The following ARMC9 variants were observed in gnomAD, a reference collection of about 807,000 sequenced individuals.
ARMC9 encodes the protein lisH domain-containing protein ARMC9.
ARMC9 carries 94 observed loss-of-function variants against 107.0 expected under a neutral mutation model. That is an observed-to-expected ratio of 0.88 (90% CI 0.74 to 1.04). ARMC9 has a LOEUF of 1.04. Ranked by LOEUF, ARMC9 falls within the 50% of genes least tolerant of loss-of-function variation. The probability of loss-of-function intolerance (pLI) is 0.00; values close to 1 mark genes in which losing one functional copy is unlikely to be tolerated. For missense variants in ARMC9, 942 were observed against 1,030.1 expected (o/e 0.91, Z 1.17); for synonymous variants, 380 against 396.9 (o/e 0.96, Z 0.51).
chr2:231,291,263 A>AT, intron 17 of ARMC9, 90 bp from the exon 18 acceptor site: 1 of 1,032,974 alleles, frequency 9.7e-7, no homozygotes, highest in African/African-American at 1.6e-5. Flanking sequence ...CCAAAACATT[A>AT]TTTTTTGGAT....
At chr2:231,331,976 A>G (rs950298696) in intron 20 of ARMC9, 79 bp downstream of exon 20, 2 of 1,218,802 alleles carry the variant, frequency 1.6e-6, no homozygotes, top group East Asian at 2.5e-5. Flanking sequence ...TTTCAGTGAC[A>G]CAGAGGGTTT....
intron 17 of ARMC9, chr2:231,288,741 G>A (rs961308509): frequency 1.5e-5 from 7 of 471,016 alleles, no homozygotes; most frequent in Admixed American, 2.3e-5. Flanking sequence ...TCTGCCCAGG[G>A]CCACACGGCC....
chr2:231,229,915 TAAA>T (rs960196903), intron 7 of ARMC9, among the ~76,000 whole-genome samples: 5 of 152,134 alleles, frequency 3.3e-5, no homozygotes, highest in African/African-American at 1.2e-4. Flanking sequence ...GTAGAAAAGT[TAAA>T]AAAGAAAGCT....
chr2:231,259,403 G>A (rs928750856), intron 11 of ARMC9, among the ~76,000 whole-genome samples: 4 of 152,166 alleles, frequency 2.6e-5, no homozygotes, highest in Non-Finnish European at 5.9e-5. Flanking sequence ...GTGTGAGTGC[G>A]TGGAGTCAGG....
chr2:231,369,275 CTTTCTTTTT>C (rs112348216), intron 23 of ARMC9, among the ~76,000 whole-genome samples: 9,683 of 152,002 alleles, frequency 0.064, 932 homozygotes, highest in African/African-American at 0.21. Context: ...TCCTCCTGTG[CTTTCTTTTT>C]TTTCTTTTTT....
chr2:231,324,315 A>G (rs2043184198), intron 19 of ARMC9, among the ~76,000 whole-genome samples: 1 of 151,124 alleles, frequency 6.6e-6, no homozygotes, highest in African/African-American at 2.4e-5. Context: ...TTTAGTAAAG[A>G]CGGGGTTTCA....
intron 8 of ARMC9, 41 bp downstream of exon 8, chr2:231,235,422 TGAA>T (rs748437711): frequency 1.2e-6 from 2 of 1,610,438 alleles, no homozygotes; most frequent in South Asian, 1.1e-5. Context: ...TGTTTGGCAA[TGAA>T]GAAGGCTTAT....
intron 12 of ARMC9, among the ~76,000 whole-genome samples, chr2:231,267,822 C>A (rs13418374): frequency 8.0e-4 from 122 of 152,218 alleles, no homozygotes; most frequent in Middle Eastern, 3.4e-3. Context: ...ACACGGGCAG[C>A]GTTTACTAAA....
intron 14 of ARMC9, among the ~76,000 whole-genome samples, chr2:231,273,694 C>T (rs981572567): frequency 7.9e-5 from 12 of 152,236 alleles, no homozygotes; most frequent in East Asian, 1.9e-4. Context: ...GAATTACAGG[C>T]GTGAGTCACC....
At chr2:231,250,284 T>C (rs2037177061) in intron 9 of ARMC9, among the ~76,000 whole-genome samples, 1 of 152,176 alleles carries the variant, frequency 6.6e-6, no homozygotes, top group African/African-American at 2.4e-5. Flanking sequence ...GGGCTTGTGA[T>C]TGTTGATGTC....
intron 20 of ARMC9, among the ~76,000 whole-genome samples, chr2:231,343,850 G>A (rs981798774): frequency 6.6e-6 from 1 of 151,344 alleles, no homozygotes. Context: ...AAGGCAGGAA[G>A]ATCACTCCAC....
chr2:231,326,821 G>A (rs534964847), intron 19 of ARMC9, among the ~76,000 whole-genome samples: 1 of 152,176 alleles, frequency 6.6e-6, no homozygotes, highest in Non-Finnish European at 1.5e-5. Flanking sequence ...ATGAAGACAG[G>A]GTACTCATTT....
At chr2:231,225,512 A>G (rs889645975) in intron 6 of ARMC9, among the ~76,000 whole-genome samples, 6 of 152,250 alleles carry the variant, frequency 3.9e-5, no homozygotes, top group African/African-American at 1.4e-4. Context: ...TATCCAAATG[A>G]TGGAATATCG....
intron 21 of ARMC9, 134 bp from the exon 22 acceptor site, chr2:231,355,664 T>G (rs899955479): frequency 8.8e-7 from 1 of 1,131,852 alleles, no homozygotes; most frequent in African/African-American, 1.6e-5. Context: ...TTAGAAGGTC[T>G]GATATGCTAA....
rs576510507 is a variant in ARMC9 at position 231,275,948 on chromosome 2, C to T, written c.1335-688C>T. 5.9e-5 allele frequency among the ~76,000 whole-genome samples: 9 copies of T among 151,998 alleles called. 1 individual carries two copies. The South Asian group carries it at 1.5e-3, about 25-fold the overall frequency. ...AGCCTGGGCAATAAGAGCAAAACTC[C>T]GTCTCAGGAAAAAAAAACAAAAAAC... On this transcript the variant is annotated intron_variant, in intron 14 of 24. Transcript: ENST00000611582.
intron 20 of ARMC9, among the ~76,000 whole-genome samples, chr2:231,338,884 T>C (rs768199461): frequency 4.7e-4 from 71 of 152,140 alleles, no homozygotes; most frequent in Non-Finnish European, 9.1e-4. Flanking sequence ...TATATGAAGA[T>C]GTTTTTAATG....
chr2:231,288,174 A>G (rs2040737117), intron 17 of ARMC9, among the ~76,000 whole-genome samples: 1 of 152,206 alleles, frequency 6.6e-6, no homozygotes, highest in Non-Finnish European at 1.5e-5. Context: ...AGCTGCTATT[A>G]TTATTATTAT....
intron 19 of ARMC9, among the ~76,000 whole-genome samples, chr2:231,327,048 C>T (rs1488290830): frequency 6.6e-6 from 1 of 152,100 alleles, no homozygotes; most frequent in Non-Finnish European, 1.5e-5. Flanking sequence ...TCCCATTTTT[C>T]CCTCCATAGC....
intron 2 of ARMC9, among the ~76,000 whole-genome samples, chr2:231,207,578 C>T (rs1398554427): frequency 6.6e-6 from 1 of 152,148 alleles, no homozygotes; most frequent in East Asian, 1.9e-4. Flanking sequence ...TGGGCTCAAG[C>T]GATTCTCCTG....
Sources: gnomAD v4.1 joint callset for allele counts (sites outside exome capture counted in the v4.1 genomes callset) on GRCh38, gnomAD v4.1.1 for gene constraint, MANE v1.5 for transcripts, NCBI Gene and HGNC (gene_info 2026-07-23, HGNC 2026-07-21) for gene names.